Variants in NIPA1 observed in about 807,000 individuals in gnomAD.
NIPA1 encodes the protein NIPA magnesium transporter 1.
A neutral mutation model predicts 23.9 loss-of-function variants in NIPA1; 13 were observed. That is an observed-to-expected ratio of 0.54 (90% CI 0.35 to 0.87). The LOEUF (loss-of-function observed/expected upper bound fraction) is 0.87. Ranked by LOEUF, NIPA1 falls within the 40% of genes least tolerant of loss-of-function variation. The probability of loss-of-function intolerance (pLI) is 0.01; values close to 1 mark genes in which losing one functional copy is unlikely to be tolerated. For synonymous variants in NIPA1, 234 were observed against 202.9 expected (o/e 1.15, Z -1.30); for missense variants, 362 against 429.7 (o/e 0.84, Z 1.39).
chr15:22,823,627 G>A, intron 4 of NIPA1, 101 bp from the exon 5 acceptor site: 2 of 1,187,660 alleles, frequency 1.7e-6, no homozygotes, highest in Non-Finnish European at 2.4e-6. Context: ...AGAGGCCGGT[G>A]GCGGGTGGCG....
intron 4 of NIPA1, 126 bp from the exon 5 acceptor site, chr15:22,823,602 G>A: frequency 1.1e-6 from 1 of 877,636 alleles, no homozygotes; most frequent in South Asian, 1.4e-5. Context: ...ATGCTCCCCA[G>A]GGCTGTGCCG....
chr15:22,809,389 AAAAAGG>A (rs1232624011), intron 1 of NIPA1, among the ~76,000 whole-genome samples: 2 of 152,078 alleles, frequency 1.3e-5, no homozygotes, highest in Non-Finnish European at 2.9e-5. Context: ...TCCATCTCAA[AAAAAGG>A]AAAAGGAAAA....
At position 22,812,251 on chromosome 15, in the gene NIPA1, C is replaced by T. The variant is rs373273269; in HGVS notation, c.315C>T (p.Phe105=). 117 of 1,604,156 alleles carry T rather than the reference C, an allele frequency of 7.3e-5. No individual in the cohort carries two copies. Among genetic ancestry groups the T allele is most frequent in the African/African-American group, 3.6e-4 (27 of 74,804 alleles). Residue 105 remains phenylalanine (F), a splice_region_variant and synonymous_variant, in exon 3 of 5, where the codon TTC becomes TTT. Coordinates refer to ENST00000337435, the MANE Select transcript of NIPA1 (RefSeq NM_144599.5). Reference sequence around the variant, plus strand: ...CCCTGGGCGCCCTTGGAGTACCGTTCGGGTGAGAGCCAAGATTGTGTTTGG... The same window carrying T: ...CCCTGGGCGCCCTTGGAGTACCGTTTGGGTGAGAGCCAAGATTGTGTTTGG... The part of the protein sequence containing the change: ...VTPLGALGVP[F]GSILASYLLK...
At chr15:22,815,915 A>G (rs1052169409) in intron 3 of NIPA1, among the ~76,000 whole-genome samples, 1 of 152,154 alleles carries the variant, frequency 6.6e-6, no homozygotes, top group African/African-American at 2.4e-5. Context: ...GAAAACTCTC[A>G]ATATGCTAGG....
intron 1 of NIPA1, among the ~76,000 whole-genome samples, chr15:22,797,915 G>T (rs1894976046): frequency 6.6e-6 from 1 of 150,606 alleles, no homozygotes; most frequent in Non-Finnish European, 1.5e-5. Flanking sequence ...CACAATCTCG[G>T]CTCACTGCAA....
intron 1 of NIPA1, among the ~76,000 whole-genome samples, chr15:22,794,974 A>G (rs1257652892): frequency 1.3e-5 from 2 of 151,944 alleles, no homozygotes; most frequent in Admixed American, 6.6e-5. Context: ...TCACGTGTCC[A>G]CTGGGAGGAA....
At position 22,814,145 on chromosome 15, in the gene NIPA1, G is replaced by A. The variant is rs188385624; in HGVS notation, c.317+1892G>A. 4.0e-5 allele frequency: 50 copies of A among 1,250,698 alleles called. No individual in the cohort carries two copies. In the East Asian group the frequency reaches 2.7e-3, roughly 66 times the overall value. 77.5% of individuals were successfully genotyped at this position (1,250,698 alleles called of 1,614,324 possible). ...TGGATAAAAAGCCTGTCTTCAACTT[G>A]GAATCCCAGTAAGACCTTTTCTTTT... On this transcript the variant is annotated intron_variant, in intron 3 of 4. Transcript: ENST00000337435.
chr15:22,798,401 A>C (rs1275557212), intron 1 of NIPA1, among the ~76,000 whole-genome samples: 1 of 145,930 alleles, frequency 6.9e-6, no homozygotes, highest in Non-Finnish European at 1.5e-5. Flanking sequence ...CACCATGCCC[A>C]GCTAATTTTT....
chr15:22,786,606 C>A (rs1894704193), upstream of NIPA1: 1 of 793,928 alleles, frequency 1.3e-6, no homozygotes, highest in African/African-American at 1.9e-5. Context: ...CCCATCCCGC[C>A]CCGCGGGGCG....
chr15:22,807,782 T>TGTGTGTGTGTGTGTGTGTGTGTG (rs1555372971), intron 1 of NIPA1, among the ~76,000 whole-genome samples: 38 of 145,930 alleles, frequency 2.6e-4, no homozygotes, highest in East Asian at 1.0e-3. Context: ...TTAAATTCAC[T>TGTGTGTGTGTGTGTGTGTGTGTG]TGTGTGTGTG....
In NIPA1 at chr15:22,823,796, C is replaced by T. The variant is rs777793012; in HGVS notation, c.547C>T (p.His183Tyr). 1 of 1,613,944 alleles carries T rather than the reference C, an allele frequency of 6.2e-7. No homozygotes were observed. The highest frequency in any genetic ancestry group is 1.1e-5 in the South Asian group (1 of 91,070). ...GCTCATCTTCTGGATCGCGCCGGCCCATGGGCCCACCAACATCATGGTCTA... is the reference window on the plus strand; with the variant it reads ...GCTCATCTTCTGGATCGCGCCGGCCTATGGGCCCACCAACATCATGGTCTA... The part of the protein sequence containing the change: ...LLLIFWIAPA[H>Y]GPTNIMVYIS... Residue 183 changes from histidine (H) to tyrosine (Y), a missense_variant, in exon 5 of 5, where the codon CAT becomes TAT. Physicochemically the swap from His to Tyr is moderately conservative, Grantham distance 83. Transcript: ENST00000337435.
At position 22,820,334 on chromosome 15, in the gene NIPA1, C is replaced by T. The variant is rs754979501; in HGVS notation, c.339C>T (p.Leu113=). 3.1e-6 allele frequency: 5 copies of T among 1,612,570 alleles called. No homozygotes were observed. Among genetic ancestry groups the T allele is most frequent in the East Asian group, 2.2e-5 (1 of 44,888 alleles). Residue 113 remains leucine, a synonymous_variant, in exon 4 of 5, where the codon CTC becomes CTT. Transcript: ENST00000337435. The part of the protein sequence containing the change: ...VPFGSILASY[L]LKEKLNILGK... The stretch of plus-strand genomic sequence containing the variant: ...AAAGGTCCATTTTAGCTTCCTATCT[C>T]CTGAAGGAAAAGCTCAACATCTTGG...
chr15:22,793,070 G>A lies in NIPA1; in HGVS notation c.178+6236G>A, dbSNP rs1003863319. 6.6e-5 allele frequency among the ~76,000 whole-genome samples: 10 copies of A among 151,448 alleles called. No individual in the cohort carries two copies. The East Asian group carries it at 1.2e-3, about 18-fold the overall frequency. ...AGTGAGACTCTGTCTCAAAAATCCC[G>A]GGCGTGCGGTGGCTCATGCCTATAA... On this transcript the variant is annotated intron_variant, in intron 1 of 4. Coordinates refer to ENST00000337435, the MANE Select transcript of NIPA1 (RefSeq NM_144599.5).
chr15:22,786,724 C>T lies in NIPA1; in HGVS notation c.68C>T (p.Pro23Leu). ...AAAAGEGARS[P>L]SPAAVSLGLG... ...GCGGCCGGGGAGGGGGCGCGTAGCC[C>T]GAGCCCCGCCGCCGTGTCGCTCGGC... Residue 23 changes from proline (P) to leucine (L), a missense_variant, in exon 1 of 5, where the codon CCG (proline) becomes CTG (leucine). Physicochemically the swap from Pro to Leu is moderately conservative, Grantham distance 98. This residue lies in a region of NIPA1 where 85 missense variants were observed against 57.7 expected (regional missense o/e 1.47). Transcript: ENST00000337435. 4.1e-6 allele frequency: 5 copies of T among 1,231,578 alleles called. No homozygotes were observed. Among genetic ancestry groups the T allele is most frequent in the African/African-American group, 1.6e-5 (1 of 63,402 alleles). The allele number at this position is 1,231,578 out of a possible 1,614,324, so 76.3% of individuals were successfully genotyped here.
rs200282898 is a variant in NIPA1 at position 22,823,930 on chromosome 15, C to T, written c.681C>T (p.Leu227=). The change falls in exon 5 of 5, where the codon CTC becomes CTT. Residue 227 remains leucine, a synonymous_variant. Coordinates refer to ENST00000337435, the MANE Select transcript of NIPA1 (RefSeq NM_144599.5). Reference sequence around the variant, plus strand: ...ACAACCCGTCCAGTCAGAGAGCCCTCTGCCTGTGCCTGGTACTCCTGGCCG... The same window carrying T: ...ACAACCCGTCCAGTCAGAGAGCCCTTTGCCTGTGCCTGGTACTCCTGGCCG... The part of the protein sequence containing the change: ...LHNNPSSQRA[L]CLCLVLLAVL... 325 of 1,614,108 alleles carry T rather than the reference C, an allele frequency of 2.0e-4. 2 individuals carry two copies. The highest frequency in any genetic ancestry group is 2.7e-4 in the Non-Finnish European group (314 of 1,180,026).
chr15:22,818,689 C>T (rs149267778), intron 3 of NIPA1, among the ~76,000 whole-genome samples: 3,529 of 148,844 alleles, frequency 0.024, 135 homozygotes, highest in African/African-American at 0.083. Context: ...CCCAGCTACT[C>T]GGGAGGCTGA....
chr15:22,789,141 C>T (rs1244019005), intron 1 of NIPA1, among the ~76,000 whole-genome samples: 1 of 151,660 alleles, frequency 6.6e-6, no homozygotes, highest in Admixed American at 6.6e-5. Flanking sequence ...AGGCGCGTGC[C>T]ACCATATCTG....
At chr15:22,816,070 T>C (rs915675889) in intron 3 of NIPA1, among the ~76,000 whole-genome samples, 3 of 152,226 alleles carry the variant, frequency 2.0e-5, no homozygotes, top group Non-Finnish European at 2.9e-5. Flanking sequence ...CTATTCATCA[T>C]TGTACTGGAT....
intron 1 of NIPA1, among the ~76,000 whole-genome samples, chr15:22,788,190 C>CACACAAACCGGAGTAGAAGAACA (rs1894751390): frequency 6.6e-6 from 1 of 152,050 alleles, no homozygotes; most frequent in South Asian, 2.1e-4. Flanking sequence ...AGGAAAACAC[C>CACACAAACCGGAGTAGAAGAACA]ACACAAACCG....
Sources: allele counts gnomAD v4.1 joint callset (sites outside exome capture counted in the v4.1 genomes callset), GRCh38; gene constraint gnomAD v4.1.1; regional missense constraint gnomAD v4.1.1; transcripts MANE v1.5; gene names NCBI Gene and HGNC (gene_info 2026-07-23, HGNC 2026-07-21).